Variants in NOVA1 observed in about 807,000 individuals in gnomAD.
NOVA1 encodes NOVA alternative splicing regulator 1, also known as RNA-binding protein Nova-1.
A neutral mutation model predicts 38.0 loss-of-function variants in NOVA1; 7 were observed. The ratio of observed to expected loss-of-function variants is 0.18; its 90% confidence interval spans 0.10 to 0.35. The LOEUF is 0.35. NOVA1 is among the 10% of genes least tolerant of loss of function. The pLI is 1.00. For synonymous variants in NOVA1, 270 were observed against 232.5 expected (o/e 1.16, Z -1.47); for missense variants, 460 against 616.0 (o/e 0.75, Z 2.68).
At chr14:26,572,039 G>A (rs1181233618) in intron 2 of NOVA1, among the ~76,000 whole-genome samples, 1 of 152,142 alleles carries the variant, frequency 6.6e-6, no homozygotes, top group Non-Finnish European at 1.5e-5. Context: ...AATTAGATAT[G>A]AGATTCATAT....
chr14:26,498,726 G>C (rs912714001), intron 2 of NOVA1, among the ~76,000 whole-genome samples: 10 of 152,100 alleles, frequency 6.6e-5, no homozygotes, highest in Non-Finnish European at 1.3e-4. Flanking sequence ...ACTTATTTCT[G>C]AGGGAGACCT....
At chr14:26,515,200 T>G (rs1888374620) in intron 2 of NOVA1, among the ~76,000 whole-genome samples, 1 of 151,918 alleles carries the variant, frequency 6.6e-6, no homozygotes, top group Non-Finnish European at 1.5e-5. Flanking sequence ...CTTTTGAAAA[T>G]TCGCAGGTTC....
chr14:26,513,262 G>C (rs1424083602), intron 2 of NOVA1, among the ~76,000 whole-genome samples: 1 of 151,798 alleles, frequency 6.6e-6, no homozygotes, highest in Non-Finnish European at 1.5e-5. Context: ...CTGTAAGCTT[G>C]AATGAAAGAT....
chr14:26,558,128 G>A (rs575493185), intron 2 of NOVA1, among the ~76,000 whole-genome samples: 1 of 151,932 alleles, frequency 6.6e-6, no homozygotes, highest in East Asian at 1.9e-4. Context: ...GGGAAAAAAG[G>A]GGAAATGGAC....
In NOVA1 at chr14:26,472,301, T is replaced by A; in HGVS notation, c.519+19A>T. 6.7e-7 allele frequency: 1 copy of A among 1,482,494 alleles called. No homozygotes were observed. Among genetic ancestry groups the A allele is most frequent in the Non-Finnish European group, 9.4e-7 (1 of 1,061,598 alleles). The allele number at this position is 1,482,494 out of a possible 1,614,324, so 91.8% of individuals were successfully genotyped here. ...TCACCCGTGAAAAGTATGGTGTAGA[T>A]GACAGGATGATACTGTACCTGATTA... On this transcript the variant is annotated intron_variant, in intron 4 of 4. Transcript: ENST00000539517.
intron 2 of NOVA1, among the ~76,000 whole-genome samples, chr14:26,501,253 G>C (rs1043119005): frequency 2.0e-5 from 3 of 151,952 alleles, no homozygotes; most frequent in African/African-American, 4.8e-5. Context: ...CTTATTACTT[G>C]AGATTTTGAC....
chr14:26,466,784 GA>G (rs1884177913), intron 4 of NOVA1, among the ~76,000 whole-genome samples: 1 of 152,094 alleles, frequency 6.6e-6, no homozygotes, highest in Non-Finnish European at 1.5e-5. Context: ...TTCAGGAGTT[GA>G]GTTTTCTCTC....
chr14:26,461,882 G>T (rs1883706920), intron 4 of NOVA1, among the ~76,000 whole-genome samples: 1 of 151,958 alleles, frequency 6.6e-6, no homozygotes, highest in African/African-American at 2.4e-5. Context: ...GGAGGTTCAG[G>T]TGAGCCGAGA....
intron 2 of NOVA1, among the ~76,000 whole-genome samples, chr14:26,482,722 G>C (rs1356328965): frequency 1.3e-5 from 2 of 152,064 alleles, no homozygotes; most frequent in Non-Finnish European, 2.9e-5. Context: ...TTTTGAGACA[G>C]AGTCTCACTT....
At chr14:26,516,595 T>TA (rs1220449537) in intron 2 of NOVA1, among the ~76,000 whole-genome samples, 1 of 152,214 alleles carries the variant, frequency 6.6e-6, no homozygotes, top group Non-Finnish European at 1.5e-5. Flanking sequence ...CCTATTTGGC[T>TA]ACTCAATTAA....
At chr14:26,511,516 C>G (rs995726527) in intron 2 of NOVA1, among the ~76,000 whole-genome samples, 1 of 152,060 alleles carries the variant, frequency 6.6e-6, no homozygotes, top group African/African-American at 2.4e-5. Context: ...GCCTGTAATC[C>G]CAGCACTATG....
intron 2 of NOVA1, among the ~76,000 whole-genome samples, chr14:26,562,981 T>C (rs982350481): frequency 5.3e-5 from 8 of 152,102 alleles, no homozygotes; most frequent in Admixed American, 5.2e-4. Flanking sequence ...GAAAATCCAG[T>C]AGTGAAAGTT....
intron 2 of NOVA1, among the ~76,000 whole-genome samples, chr14:26,566,078 G>A (rs771820924): frequency 4.6e-5 from 7 of 151,982 alleles, no homozygotes; most frequent in African/African-American, 1.2e-4. Flanking sequence ...CTTCAGAGTC[G>A]TTGTAAAATA....
rs1190013256 is a variant in NOVA1, at chr14:26,443,248, T to TTTTACCACC, written c.*4710_*4711insGGTGGTAAA. The TTTTACCACC allele has an allele frequency of 6.6e-6, 1 of 152,040 alleles. No homozygotes were observed. The highest frequency in any genetic ancestry group is 1.5e-5 in the Non-Finnish European group (1 of 67,914). 9.4% of individuals were successfully genotyped at this position (152,040 alleles called of 1,614,324 possible). A position where few individuals can be genotyped will look rare whatever the true frequency, so the allele number is the denominator to read the frequency against. ...ACCCAAGTATTGGCTTCTGTACCAC[T>TTTTACCACC]TTGTAATGAGACAATTGCCTTTCCA... is the stretch of plus-strand genomic sequence containing the variant. On this transcript the variant is annotated 3_prime_UTR_variant, in exon 5 of 5. Coordinates refer to ENST00000539517, the MANE Select transcript of NOVA1 (RefSeq NM_002515.3).
chr14:26,516,013 T>C (rs1222811945), intron 2 of NOVA1, among the ~76,000 whole-genome samples: 1 of 152,156 alleles, frequency 6.6e-6, no homozygotes, highest in Non-Finnish European at 1.5e-5. Context: ...CTTCCAATCC[T>C]TCCACCTGTT....
Position 26,470,303 on chromosome 14 carries a change from C to T in NOVA1, c.519+2017G>A, listed in dbSNP as rs970624828. 1.1e-4 allele frequency: 155 copies of T among 1,397,998 alleles called. No homozygotes were observed. In the Admixed American group the frequency reaches 1.1e-3, roughly 10 times the overall value. The allele number at this position is 1,397,998 out of a possible 1,614,324, so 86.6% of individuals were successfully genotyped here. A position where few individuals can be genotyped will look rare whatever the true frequency, so the allele number is the denominator to read the frequency against. On this transcript the variant is annotated intron_variant, in intron 4 of 4. Coordinates refer to ENST00000539517, the MANE Select transcript of NOVA1 (RefSeq NM_002515.3). ...CTATTGACAAGAAACAAATGAACAA[C>T]AAAAAACACATTTCCTTCTGCCCTA...
chr14:26,514,564 C>G (rs28696921), intron 2 of NOVA1, among the ~76,000 whole-genome samples: 53,045 of 151,580 alleles, frequency 0.35, 11,219 homozygotes, highest in African/African-American at 0.6. Context: ...TCATTCTTCT[C>G]AGTAAAGGAA....
In NOVA1 at chr14:26,597,758, C is replaced by T; in HGVS notation, c.-322G>A. 2.2e-6 allele frequency: 2 copies of T among 918,126 alleles called. No homozygotes were observed. The highest frequency in any genetic ancestry group is 2.6e-6 in the Non-Finnish European group (2 of 771,704). The allele number at this position is 918,126 out of a possible 1,614,324, so 56.9% of individuals were successfully genotyped here. A position where few individuals can be genotyped will look rare whatever the true frequency, so the allele number is the denominator to read the frequency against. ...GGAGAGAGTGGAGAAGGGAGAGGGG[C>T]GAGTGAATGAGCGGGAGGAGGGGAC... On this transcript the variant is annotated 5_prime_UTR_variant, in exon 1 of 5. Coordinates refer to ENST00000539517, the MANE Select transcript of NOVA1 (RefSeq NM_002515.3).
chr14:26,568,674 T>G (rs1475309858), intron 2 of NOVA1, among the ~76,000 whole-genome samples: 1 of 152,142 alleles, frequency 6.6e-6, no homozygotes, highest in Admixed American at 6.5e-5. Flanking sequence ...GAAGAGCAAC[T>G]AGAGCATGTA....
Sources: allele counts gnomAD v4.1 joint callset (sites outside exome capture counted in the v4.1 genomes callset), GRCh38; gene constraint gnomAD v4.1.1; transcripts MANE v1.5; gene names NCBI Gene and HGNC (gene_info 2026-07-23, HGNC 2026-07-21).